TEX14: variants seen among roughly 807,000 people sequenced by gnomAD.
TEX14 encodes the protein inactive serine/threonine-protein kinase TEX14.
In TEX14, 168 loss-of-function variants were observed where a neutral mutation model predicts 178.6. The ratio of observed to expected loss-of-function variants is 0.94; its 90% CI spans 0.83 to 1.07. TEX14 has a LOEUF of 1.07. Among genes scored for constraint, TEX14 ranks in the 50% least tolerant of loss-of-function variants. The probability of loss-of-function intolerance (pLI) is 0.00; values close to 1 mark genes in which losing one functional copy is unlikely to be tolerated. For synonymous variants in TEX14, 626 were observed against 634.1 expected, an observed-to-expected ratio of 0.99 and a Z score of 0.19; for missense variants, 1,730 against 1,753.6, an observed-to-expected ratio of 0.99 and a Z score of 0.24.
intron 1 of TEX14, among the ~76,000 whole-genome samples, chr17:58,672,633 C>T (rs980383800): frequency 1.3e-5 from 2 of 152,006 alleles, no homozygotes; most frequent in Admixed American, 6.6e-5. Flanking sequence ...TTAGTAGAGA[C>T]GGGGTTTCAC....
In TEX14 at chr17:58,569,920, A is replaced by C. The variant is rs1284674080; in HGVS notation, c.3817+465T>G. On this transcript the variant is annotated intron_variant, in intron 25 of 31. Transcript: ENST00000349033. The surrounding 1 kb of genome is among the most constrained non-coding windows in gnomAD (Gnocchi z 4.1). The stretch of plus-strand genomic sequence containing the variant: ...CTATCCTAAGGAAAGGATCAGAGGT[A>C]CAGATAAAAATTTATGTATAAAGAG... 6.6e-6 allele frequency among the ~76,000 whole-genome samples: 1 copy of C among 152,246 alleles called. No homozygotes were observed. The highest frequency in any genetic ancestry group is 1.5e-5 in the Non-Finnish European group (1 of 68,036).
chr17:58,592,373 C>T (rs1189406634), intron 15 of TEX14, among the ~76,000 whole-genome samples: 3 of 149,268 alleles, frequency 2.0e-5, no homozygotes, highest in Middle Eastern at 3.4e-3. Flanking sequence ...CTTGCTCTAT[C>T]GCCCAGGCTG....
chr17:58,561,175 A>G lies in TEX14; in HGVS notation c.4157+345T>C, dbSNP rs943066038. Among the ~76,000 whole-genome samples the G allele has an allele frequency of 2.6e-5, 4 of 152,244 alleles. No individual in the cohort carries two copies. The East Asian group carries it at 7.7e-4, about 29-fold the overall frequency. On this transcript the variant is annotated intron_variant, in intron 29 of 31. Transcript: ENST00000349033. ...ATTTTGAATCCTCAGTCTATCACTC[A>G]TCACATCAGCATTCATTCCTAGATT...
In TEX14 at chr17:58,654,730, C is replaced by A. The variant is rs544050641; in HGVS notation, c.-1-2728G>T. ...CCATGTTGGCCAGGGTGGTCTCAAACTTCTGACCTCAGGTGATCTGCCCAC... is the reference window on the plus strand; with the variant it reads ...CCATGTTGGCCAGGGTGGTCTCAAAATTCTGACCTCAGGTGATCTGCCCAC... On this transcript the variant is annotated intron_variant, in intron 1 of 31. Transcript: ENST00000349033. Among the ~76,000 whole-genome samples the A allele has an allele frequency of 7.1e-4, 108 of 152,090 alleles. 1 individual carries two copies. Among genetic ancestry groups the A allele is most frequent in the African/African-American group, 2.6e-3 (106 of 41,486 alleles).
At chr17:58,609,728 T>C (rs1270798244) in intron 10 of TEX14, among the ~76,000 whole-genome samples, 1 of 152,220 alleles carries the variant, frequency 6.6e-6, no homozygotes, top group African/African-American at 2.4e-5. Flanking sequence ...ACTCCAGGTC[T>C]GGGGAAGTGA....
At chr17:58,585,487 G>C (rs2044934034) in intron 18 of TEX14, among the ~76,000 whole-genome samples, 1 of 151,968 alleles carries the variant, frequency 6.6e-6, no homozygotes, top group African/African-American at 2.4e-5. Flanking sequence ...TGTCACCCAA[G>C]CTGGAGTGCA....
chr17:58,559,594 G>A (rs780966027), intron 29 of TEX14, 32 bp from the exon 30 acceptor site: 7 of 1,043,196 alleles, frequency 6.7e-6, no homozygotes, highest in East Asian at 2.4e-5. Context: ...GAATCAAAAC[G>A]TATACACAAC....
intron 1 of TEX14, among the ~76,000 whole-genome samples, chr17:58,662,311 G>A (rs1433806169): frequency 6.6e-6 from 1 of 151,706 alleles, no homozygotes; most frequent in Non-Finnish European, 1.5e-5. Context: ...TTAGCTGGGC[G>A]TGGTGGCGGG....
intron 22 of TEX14, among the ~76,000 whole-genome samples, chr17:58,573,655 A>T (rs914801611): frequency 5.3e-5 from 8 of 152,180 alleles, no homozygotes; most frequent in Middle Eastern, 3.4e-3. Context: ...GGTAGCTGGG[A>T]CTACAAGCGT....
At chr17:58,640,343 G>T (rs935570969) in intron 2 of TEX14, among the ~76,000 whole-genome samples, 5 of 151,882 alleles carry the variant, frequency 3.3e-5, no homozygotes, top group Non-Finnish European at 5.9e-5. Context: ...ATTTACTGAG[G>T]TCTTGCCATG....
intron 5 of TEX14, among the ~76,000 whole-genome samples, chr17:58,619,183 C>A (rs1289777846): frequency 1.3e-5 from 2 of 152,182 alleles, no homozygotes; most frequent in East Asian, 1.9e-4. Context: ...GGCCTCTGGG[C>A]AGTACATGGC....
Position 58,616,316 on chromosome 17 carries a change from G to T in TEX14, c.637-11C>A, listed in dbSNP as rs79813370. On this transcript the variant is annotated splice_polypyrimidine_tract_variant and intron_variant, in intron 6 of 31. Transcript: ENST00000349033. ...CCCAGTAAGATAAAACTGAAACCAA[G>T]GCATAGCCTCAAATTATGGGGAGAA... is the stretch of plus-strand genomic sequence containing the variant. 0.043 allele frequency: 69,944 copies of T among 1,608,912 alleles called. 1,721 individuals carry two copies. The highest frequency in any genetic ancestry group is 0.085 in the East Asian group (3,829 of 44,812).
chr17:58,565,080 A>T, intron 27 of TEX14, 112 bp from the exon 28 acceptor site: 1 of 562,266 alleles, frequency 1.8e-6, no homozygotes, highest in Non-Finnish European at 3.1e-6. Flanking sequence ...GAAGTGTGCA[A>T]TGCATTAGCT....
intron 1 of TEX14, among the ~76,000 whole-genome samples, chr17:58,659,513 A>G (rs2047062757): frequency 6.6e-6 from 1 of 152,136 alleles, no homozygotes. Context: ...GCCCCTATCT[A>G]CATATGCCCG....
intron 14 of TEX14, 127 bp from the exon 15 acceptor site, chr17:58,593,788 T>C (rs1304992339): frequency 1.3e-6 from 1 of 782,512 alleles, no homozygotes; most frequent in East Asian, 2.7e-5. Context: ...GGATTTTCCT[T>C]TGCATGTTTC....
At chr17:58,591,027 CTT>C (rs567160628) in intron 15 of TEX14, among the ~76,000 whole-genome samples, 1 of 151,702 alleles carries the variant, frequency 6.6e-6, no homozygotes, top group South Asian at 2.1e-4. Context: ...AAATGTCAAA[CTT>C]TTTTTTGGTC....
chr17:58,631,818 T>A (rs1368965671), intron 2 of TEX14: 2 of 148,876 alleles, frequency 1.3e-5, no homozygotes, highest in Non-Finnish European at 2.9e-5. Context: ...ATAGAAATTA[T>A]CCCTCAAAAT....
intron 1 of TEX14, among the ~76,000 whole-genome samples, chr17:58,671,007 C>T (rs1288656158): frequency 2.0e-5 from 3 of 152,048 alleles, no homozygotes; most frequent in Non-Finnish European, 1.5e-5. Context: ...CCAAATATTG[C>T]TTCCACTCCA....
intron 14 of TEX14, among the ~76,000 whole-genome samples, chr17:58,594,221 TA>T (rs1025577883): frequency 1.3e-5 from 2 of 149,240 alleles, no homozygotes; most frequent in Non-Finnish European, 3.0e-5. Flanking sequence ...AAGATAGAAA[TA>T]AAAAAAAAAT....
Sources: allele counts gnomAD v4.1 joint callset (sites outside exome capture counted in the v4.1 genomes callset), GRCh38; gene constraint gnomAD v4.1.1; non-coding constraint Gnocchi (gnomAD v3.1); transcripts MANE v1.5; gene names NCBI Gene and HGNC (gene_info 2026-07-23, HGNC 2026-07-21).